The following LAMC2 variants were observed in gnomAD, a reference collection of about 807,000 sequenced individuals.
LAMC2 encodes the protein laminin subunit gamma-2.
LAMC2 carries 97 observed loss-of-function variants against 140.2 expected under a neutral mutation model. That is an observed-to-expected ratio of 0.69 (90% CI 0.59 to 0.82). LAMC2 has a LOEUF of 0.82. Ranked by LOEUF, LAMC2 falls within the 40% of genes least tolerant of loss-of-function variation. LAMC2 has a pLI of 0.00. For missense variants in LAMC2, 1,402 were observed against 1,476.1 expected (o/e 0.95, Z 0.82); for synonymous variants, 513 against 540.2 (o/e 0.95, Z 0.70).
intron 8 of LAMC2, 97 bp downstream of exon 8, chr1:183,225,817 A>C: frequency 2.5e-6 from 2 of 785,060 alleles, no homozygotes; most frequent in Non-Finnish European, 4.5e-6. Context: ...CAAGTAGATA[A>C]GTTACTTGAT....
chr1:183,234,519 A>G, intron 15 of LAMC2, 73 bp downstream of exon 15: 1 of 1,161,952 alleles, frequency 8.6e-7, no homozygotes, highest in Non-Finnish European at 1.3e-6. Context: ...AGTGTAGGGT[A>G]TTAGGGACCC....
At chr1:183,246,525 T>C (rs1243749841), downstream of LAMC2, among the ~76,000 whole-genome samples, 1 of 152,246 alleles carries the variant, frequency 6.6e-6, no homozygotes, top group Non-Finnish European at 1.5e-5. Flanking sequence ...CATCATCTAC[T>C]TTAACTGTTA....
the LAMC2 span, among the ~76,000 whole-genome samples, chr1:183,256,679 G>T: frequency 6.6e-6 from 1 of 152,180 alleles, no homozygotes; most frequent in Admixed American, 6.5e-5. Context: ...GCTTCATGTT[G>T]TGTTGTTGAA....
Position 183,227,232 on chromosome 1 carries a change from C to T in LAMC2, c.1286-283C>T, listed in dbSNP as rs12094412. On this transcript the variant is annotated intron_variant, in intron 9 of 22. Coordinates refer to ENST00000264144, the MANE Select transcript of LAMC2 (RefSeq NM_005562.3). ...CAAGTCCGGGTCTAAATGAATGTGC[C>T]GACAAATGGTGTCAGGCCACAGAGA... 0.029 allele frequency among the ~76,000 whole-genome samples: 4,385 copies of T among 152,004 alleles called. 234 individuals carry two copies. Among genetic ancestry groups the T allele is most frequent in the African/African-American group, 0.1 (4,150 of 41,394 alleles).
intron 1 of LAMC2, among the ~76,000 whole-genome samples, chr1:183,203,740 A>C (rs1658796066): frequency 6.6e-6 from 1 of 152,102 alleles, no homozygotes; most frequent in African/African-American, 2.4e-5. Flanking sequence ...TCCTGCAGGC[A>C]AGGCTGTAGA....
intron 9 of LAMC2, among the ~76,000 whole-genome samples, chr1:183,227,270 G>A (rs114934282): frequency 6.6e-6 from 1 of 152,302 alleles, no homozygotes; most frequent in African/African-American, 2.4e-5. Context: ...ATGGGGAACA[G>A]TGTTAAGTTA....
downstream of LAMC2, among the ~76,000 whole-genome samples, chr1:183,246,266 C>T (rs1660241242): frequency 6.6e-6 from 1 of 151,774 alleles, no homozygotes; most frequent in South Asian, 2.1e-4. Context: ...ACTTATGGTA[C>T]TTCCCTTGAT....
chr1:183,254,396 T>C, the LAMC2 span, among the ~76,000 whole-genome samples: 1 of 152,010 alleles, frequency 6.6e-6, no homozygotes, highest in African/African-American at 2.4e-5. Context: ...TCTGGAGAGA[T>C]GTCTACTCAA....
At chr1:183,218,278 G>A (rs1349317021) in intron 3 of LAMC2, 112 bp from the exon 4 acceptor site, 15 of 873,094 alleles carry the variant, frequency 1.7e-5, no homozygotes, top group African/African-American at 3.3e-5. Context: ...AAGCCTCATC[G>A]AAGAAGGACT....
In LAMC2 at chr1:183,238,495, T is replaced by C. The variant is rs961276377; in HGVS notation, c.2869+74T>C. The C allele has an allele frequency of 1.2e-5, 11 of 931,854 alleles. No homozygotes were observed. The Admixed American group carries it at 1.5e-4, about 13-fold the overall frequency. The allele number at this position is 931,854 out of a possible 1,614,324, so 57.7% of individuals were successfully genotyped here. Reference sequence around the variant, plus strand: ...ATGACCAATTTCCTTTGAATTCTCATATGTCTCTCTAAGTGGCAGGTATAT... The same window carrying C: ...ATGACCAATTTCCTTTGAATTCTCACATGTCTCTCTAAGTGGCAGGTATAT... On this transcript the variant is annotated intron_variant, in intron 19 of 22. Transcript: ENST00000264144.
chr1:183,253,024 G>T, the LAMC2 span, among the ~76,000 whole-genome samples: 2 of 151,942 alleles, frequency 1.3e-5, no homozygotes, highest in African/African-American at 4.8e-5. Context: ...TAATATCTGG[G>T]CCCCTCTCAT....
In LAMC2 at chr1:183,226,968, G is replaced by C. The variant is rs1659645642; in HGVS notation, c.1285+52G>C. 2.1e-6 allele frequency: 3 copies of C among 1,407,326 alleles called. No homozygotes were observed. In the South Asian group the frequency reaches 3.5e-5, roughly 17 times the overall value. The allele number at this position is 1,407,326 out of a possible 1,614,324, so 87.2% of individuals were successfully genotyped here. On this transcript the variant is annotated intron_variant, in intron 9 of 22. Coordinates refer to ENST00000264144, the MANE Select transcript of LAMC2 (RefSeq NM_005562.3). ...TGGCTGGGGTGTCATGTGGAAGAGA[G>C]AGAGCTGTGTAAGAAAGACCATGGC... is the stretch of plus-strand genomic sequence containing the variant.
chr1:183,233,246 A>AAATG, intron 14 of LAMC2, among the ~76,000 whole-genome samples: 3 of 152,252 alleles, frequency 2.0e-5, no homozygotes, highest in African/African-American at 7.2e-5. Flanking sequence ...ATGAATGGAT[A>AAATG]AATGAATGAA....
chr1:183,246,355 T>A (rs1660243770), downstream of LAMC2, among the ~76,000 whole-genome samples: 1 of 152,198 alleles, frequency 6.6e-6, no homozygotes, highest in African/African-American at 2.4e-5. Context: ...TTCCCCAGGA[T>A]CTAGCCTCAT....
chr1:183,253,208 A>G, the LAMC2 span, among the ~76,000 whole-genome samples: 5 of 148,836 alleles, frequency 3.4e-5, no homozygotes, highest in Non-Finnish European at 7.4e-5. Flanking sequence ...ATCATATAAT[A>G]TAGTATATCT....
intron 20 of LAMC2, 27 bp from the exon 21 acceptor site, chr1:183,240,013 C>T (rs777329327): frequency 2.8e-5 from 45 of 1,613,818 alleles, no homozygotes; most frequent in South Asian, 2.5e-4. Flanking sequence ...TCTCTCCTTC[C>T]GTCCCTGGCT....
intron 7 of LAMC2, among the ~76,000 whole-genome samples, chr1:183,223,793 G>A (rs2021958): frequency 0.13 from 19,173 of 152,208 alleles, 1,223 homozygotes; most frequent in East Asian, 0.19. Flanking sequence ...TGAAGTCGGC[G>A]ATAGGAGTGC....
chr1:183,239,840 T>C, intron 20 of LAMC2, 200 bp from the exon 21 acceptor site: 1 of 682,778 alleles, frequency 1.5e-6, no homozygotes, highest in Non-Finnish European at 2.5e-6. Context: ...CTGACCTTCC[T>C]AGTCATACCC....
chr1:183,223,423 GC>G (rs1558091198), intron 7 of LAMC2, 99 bp downstream of exon 7: 13 of 1,150,580 alleles, frequency 1.1e-5, no homozygotes, highest in Non-Finnish European at 1.2e-5. Context: ...TGTTCAACAA[GC>G]CTTTCTGAGC....
Sources: allele counts gnomAD v4.1 joint callset (sites outside exome capture counted in the v4.1 genomes callset), GRCh38; gene constraint gnomAD v4.1.1; transcripts MANE v1.5; gene names NCBI Gene and HGNC (gene_info 2026-07-23, HGNC 2026-07-21).